ERBB4: variants seen among roughly 807,000 people sequenced by gnomAD.
ERBB4 encodes the protein receptor tyrosine-protein kinase erbB-4.
In ERBB4, 42 loss-of-function variants were observed where a neutral mutation model predicts 158.0. The ratio of observed to expected loss-of-function variants is 0.27; its 90% CI spans 0.21 to 0.34. The LOEUF is 0.34. Ranked by LOEUF, ERBB4 falls within the 10% of genes least tolerant of loss-of-function variation. The pLI is 1.00. For missense variants in ERBB4, 1,333 were observed against 1,624.1 expected (o/e 0.82, Z 3.08); for synonymous variants, 583 against 558.7 (o/e 1.04, Z -0.61).
chr2:212,423,070 T>C (rs963104552), intron 1 of ERBB4, among the ~76,000 whole-genome samples: 14 of 152,012 alleles, frequency 9.2e-5, no homozygotes, highest in Non-Finnish European at 1.3e-4. Flanking sequence ...GGATAAACGA[T>C]GAAAAATGTA....
At chr2:212,181,593 A>G (rs1447012522) in intron 1 of ERBB4, among the ~76,000 whole-genome samples, 1 of 151,786 alleles carries the variant, frequency 6.6e-6, no homozygotes, top group East Asian at 1.9e-4. Flanking sequence ...CATTCAGCAG[A>G]AATCTTCTGC....
intron 1 of ERBB4, among the ~76,000 whole-genome samples, chr2:212,307,946 A>G (rs1252114208): frequency 6.6e-6 from 1 of 150,856 alleles, no homozygotes; most frequent in African/African-American, 2.4e-5. Context: ...ACGGAATACT[A>G]GATTGAAGTC....
At chr2:211,526,509 G>A (rs1337226161) in intron 20 of ERBB4, among the ~76,000 whole-genome samples, 1 of 152,040 alleles carries the variant, frequency 6.6e-6, no homozygotes, top group Non-Finnish European at 1.5e-5. Context: ...CAAGAAGAAT[G>A]AGTACAAACA....
At position 211,709,274 on chromosome 2, in the gene ERBB4, T is replaced by TATATAC. The variant is rs1553615210; in HGVS notation, c.1124+2775_1124+2776insGTATAT. On this transcript the variant is annotated intron_variant, in intron 9 of 27. Transcript: ENST00000342788. ...ATACACATATATATATATATATATA[T>TATATAC]ACATACATATATATATACATATATA... 3.5e-3 allele frequency among the ~76,000 whole-genome samples: 474 copies of TATATAC among 136,546 alleles called. 5 individuals carry two copies. The highest frequency in any genetic ancestry group is 0.012 in the African/African-American group (424 of 35,000). The allele number at this position is 136,546 out of a possible 152,430, so 89.6% of individuals were successfully genotyped here.
At chr2:211,447,733 T>C (rs2064148005) in intron 20 of ERBB4, among the ~76,000 whole-genome samples, 1 of 152,200 alleles carries the variant, frequency 6.6e-6, no homozygotes, top group East Asian at 1.9e-4. Context: ...TTTCTGCATA[T>C]TGTGGTTGCA....
chr2:211,701,218 T>A (rs1259043393), intron 12 of ERBB4, among the ~76,000 whole-genome samples: 1 of 152,212 alleles, frequency 6.6e-6, no homozygotes, highest in South Asian at 2.1e-4. Flanking sequence ...AACATATACT[T>A]CTTGAATAGT....
At chr2:212,501,985 T>C (rs1446283976) in intron 1 of ERBB4, among the ~76,000 whole-genome samples, 1 of 152,036 alleles carries the variant, frequency 6.6e-6, no homozygotes, top group Non-Finnish European at 1.5e-5. Flanking sequence ...TTATACTTAG[T>C]TTTAATGTCT....
chr2:212,192,458 T>C (rs2082302893), intron 1 of ERBB4, among the ~76,000 whole-genome samples: 2 of 152,152 alleles, frequency 1.3e-5, no homozygotes, highest in South Asian at 4.1e-4. Flanking sequence ...CATATTTCAG[T>C]CTATATTTAT....
At chr2:212,483,266 A>G (rs1322747201) in intron 1 of ERBB4, among the ~76,000 whole-genome samples, 1 of 152,210 alleles carries the variant, frequency 6.6e-6, no homozygotes, top group African/African-American at 2.4e-5. Context: ...GAGGAAAATT[A>G]AACAGATAAT....
chr2:211,889,604 C>A (rs1211916688), intron 3 of ERBB4, among the ~76,000 whole-genome samples: 2 of 150,524 alleles, frequency 1.3e-5, no homozygotes, highest in Non-Finnish European at 3.0e-5. Flanking sequence ...GATCAAATTA[C>A]TCCGAGCTAC....
chr2:211,933,151 G>C (rs2080222248), intron 3 of ERBB4, among the ~76,000 whole-genome samples: 1 of 151,958 alleles, frequency 6.6e-6, no homozygotes, highest in South Asian at 2.1e-4. Flanking sequence ...TTTTCCCTGA[G>C]CACCATAGGA....
chr2:212,404,788 C>G (rs2091300347), intron 1 of ERBB4, among the ~76,000 whole-genome samples: 1 of 151,938 alleles, frequency 6.6e-6, no homozygotes, highest in South Asian at 2.1e-4. Context: ...TTTTCTACTC[C>G]TCTCCCTCCT....
intron 1 of ERBB4, among the ~76,000 whole-genome samples, chr2:212,247,400 A>C (rs2106035102): frequency 6.6e-6 from 1 of 152,326 alleles, no homozygotes; most frequent in Non-Finnish European, 1.5e-5. Context: ...AATATTTCAA[A>C]ACTATTTCTA....
At chr2:212,210,443 T>G (rs981859174) in intron 1 of ERBB4, among the ~76,000 whole-genome samples, 3 of 152,126 alleles carry the variant, frequency 2.0e-5, no homozygotes, top group Non-Finnish European at 2.9e-5. Flanking sequence ...ATATCACATT[T>G]ACTGGCTTCA....
At chr2:211,910,210 C>T (rs2079507788) in intron 3 of ERBB4, among the ~76,000 whole-genome samples, 1 of 151,562 alleles carries the variant, frequency 6.6e-6, no homozygotes, top group Non-Finnish European at 1.5e-5. Context: ...AACTACCATG[C>T]CTGGCCAACT....
intron 3 of ERBB4, among the ~76,000 whole-genome samples, chr2:211,794,682 A>G (rs2076345550): frequency 6.6e-6 from 1 of 151,972 alleles, no homozygotes; most frequent in Non-Finnish European, 1.5e-5. Context: ...TAATATTAAG[A>G]AAGTAGTAAT....
intron 2 of ERBB4, among the ~76,000 whole-genome samples, chr2:212,057,509 A>C (rs910637402): frequency 1.3e-4 from 20 of 152,186 alleles, no homozygotes; most frequent in Non-Finnish European, 1.5e-5. Flanking sequence ...ACTGATTCCA[A>C]AACTGACCAC....
intron 1 of ERBB4, among the ~76,000 whole-genome samples, chr2:212,153,969 A>G (rs2080952692): frequency 6.6e-6 from 1 of 151,942 alleles, no homozygotes; most frequent in South Asian, 2.1e-4. Flanking sequence ...TCACTTTAAA[A>G]CACAGTCATT....
chr2:212,240,316 C>T (rs1028802026), intron 1 of ERBB4, among the ~76,000 whole-genome samples: 2 of 152,084 alleles, frequency 1.3e-5, no homozygotes, highest in East Asian at 1.9e-4. Flanking sequence ...GGAGAGGTGC[C>T]CTTCCTATTC....
Sources: allele counts gnomAD v4.1 joint callset (sites outside exome capture counted in the v4.1 genomes callset), GRCh38; gene constraint gnomAD v4.1.1; transcripts MANE v1.5; gene names NCBI Gene and HGNC (gene_info 2026-07-23, HGNC 2026-07-21).